STXBP5L: variants seen among roughly 807,000 people sequenced by gnomAD.
STXBP5L encodes the protein syntaxin binding protein 5L.
Under a neutral mutation model 144.5 loss-of-function variants are expected in STXBP5L, and 65 were observed. That is an observed-to-expected ratio of 0.45 (90% confidence interval 0.37 to 0.55). The LOEUF (loss-of-function observed/expected upper bound fraction) is 0.55. Among genes scored for constraint, STXBP5L ranks in the 20% least tolerant of loss-of-function variants. The probability of loss-of-function intolerance (pLI) is 0.00; values close to 1 mark genes in which losing one functional copy is unlikely to be tolerated. For synonymous variants in STXBP5L, 505 were observed against 469.6 expected (o/e 1.08, Z -0.97); for missense variants, 1,298 against 1,405.5 (o/e 0.92, Z 1.22).
At chr3:121,260,795 G>C (rs192573348) in intron 18 of STXBP5L, among the ~76,000 whole-genome samples, 6 of 152,168 alleles carry the variant, frequency 3.9e-5, no homozygotes, top group Admixed American at 3.3e-4. Flanking sequence ...TCAGTAAGGA[G>C]TCCATGGAAA....
At chr3:121,014,398 A>G (rs1424500942) in intron 3 of STXBP5L, among the ~76,000 whole-genome samples, 1 of 151,998 alleles carries the variant, frequency 6.6e-6, no homozygotes, top group Non-Finnish European at 1.5e-5. Flanking sequence ...GTTCCATATA[A>G]ATGGAATTAT....
In STXBP5L at chr3:121,279,934, A is replaced by C. The variant is rs1355733507; in HGVS notation, c.2088A>C (p.Arg696=). 1 of 1,612,216 alleles carries C rather than the reference A, an allele frequency of 6.2e-7. No homozygotes were observed. Residue 696 remains arginine, a synonymous_variant, in exon 19 of 27, where the codon CGA becomes CGC. Coordinates refer to ENST00000471454, the MANE Select transcript of STXBP5L (RefSeq NM_001308330.2). ...ACCAGCGACAACCACGGTCTCCTCG[A>C]AAAAACAAACAGTTCATTGCAGGTA... ...DLYQRQPRSP[R]KNKQFIAGLT...
chr3:121,216,765 C>A (rs545399761), intron 10 of STXBP5L, among the ~76,000 whole-genome samples: 6 of 152,188 alleles, frequency 3.9e-5, no homozygotes, highest in Non-Finnish European at 5.9e-5. Context: ...ATGTTTAAGT[C>A]GGCTTAAGCT....
At chr3:120,975,420 T>C (rs1343484759) in intron 3 of STXBP5L, among the ~76,000 whole-genome samples, 5 of 152,230 alleles carry the variant, frequency 3.3e-5, no homozygotes, top group South Asian at 2.1e-4. Flanking sequence ...CTGAAGTTGC[T>C]TATCAGCTTA....
intron 5 of STXBP5L, among the ~76,000 whole-genome samples, chr3:121,050,244 G>A (rs1029612448): frequency 1.3e-5 from 2 of 151,894 alleles, no homozygotes; most frequent in African/African-American, 4.8e-5. Flanking sequence ...TCTAAACTTA[G>A]TCTTTTTTTT....
At chr3:121,187,110 C>A (rs1304830372) in intron 9 of STXBP5L, among the ~76,000 whole-genome samples, 1 of 152,090 alleles carries the variant, frequency 6.6e-6, no homozygotes, top group Non-Finnish European at 1.5e-5. Context: ...AAGACACATG[C>A]ACACGTATGT....
intron 18 of STXBP5L, among the ~76,000 whole-genome samples, chr3:121,267,092 C>T (rs2050589694): frequency 6.6e-6 from 1 of 152,024 alleles, no homozygotes; most frequent in Admixed American, 6.6e-5. Context: ...AAAGAGAGCC[C>T]GTATAGTTAA....
chr3:121,085,055 A>T (rs2042424950), intron 5 of STXBP5L, among the ~76,000 whole-genome samples: 3 of 151,368 alleles, frequency 2.0e-5, no homozygotes, highest in Non-Finnish European at 1.5e-5. Context: ...CCACTGTTTG[A>T]TGGGGTTGAT....
chr3:121,021,245 C>A (rs1246825940), intron 3 of STXBP5L, among the ~76,000 whole-genome samples: 2 of 152,136 alleles, frequency 1.3e-5, no homozygotes, highest in Non-Finnish European at 1.5e-5. Flanking sequence ...GCAACCCACA[C>A]TGGAGCTCCC....
intron 20 of STXBP5L, among the ~76,000 whole-genome samples, chr3:121,345,635 AG>A (rs1444994890): frequency 2.0e-5 from 3 of 152,096 alleles, no homozygotes; most frequent in African/African-American, 7.2e-5. Context: ...ACAGTGTAAA[AG>A]CGTGCCTATT....
At chr3:121,021,172 G>T (rs1031818163) in intron 3 of STXBP5L, among the ~76,000 whole-genome samples, 2 of 151,836 alleles carry the variant, frequency 1.3e-5, no homozygotes, top group Admixed American at 6.6e-5. Context: ...TAAAAAAGAG[G>T]GGCATTGTAT....
intron 19 of STXBP5L, among the ~76,000 whole-genome samples, chr3:121,293,029 C>T (rs548466448): frequency 3.2e-4 from 48 of 151,228 alleles, no homozygotes; most frequent in South Asian, 3.1e-3. Flanking sequence ...CCTATTAAAA[C>T]GAAAAAAAAA....
chr3:121,067,814 T>A (rs1396014475), intron 5 of STXBP5L, among the ~76,000 whole-genome samples: 1 of 152,214 alleles, frequency 6.6e-6, no homozygotes. Flanking sequence ...TCTGTATATG[T>A]ATTTATTACT....
At chr3:121,079,259 G>C (rs186738258) in intron 5 of STXBP5L, among the ~76,000 whole-genome samples, 19 of 152,378 alleles carry the variant, frequency 1.2e-4, no homozygotes, top group Admixed American at 5.9e-4. Flanking sequence ...GAGGCAGGAA[G>C]TGAGTTACAG....
intron 20 of STXBP5L, among the ~76,000 whole-genome samples, chr3:121,377,983 G>T (rs1216355410): frequency 6.6e-6 from 1 of 152,194 alleles, no homozygotes; most frequent in Non-Finnish European, 1.5e-5. Flanking sequence ...GGAATACTAT[G>T]CAGACATAAA....
chr3:121,285,664 T>A (rs2051207441), intron 19 of STXBP5L, among the ~76,000 whole-genome samples: 1 of 152,078 alleles, frequency 6.6e-6, no homozygotes, highest in Non-Finnish European at 1.5e-5. Flanking sequence ...AAAAACGCTT[T>A]GAAAAGAACA....
chr3:120,989,855 T>C (rs1308662843), intron 3 of STXBP5L, among the ~76,000 whole-genome samples: 1 of 152,170 alleles, frequency 6.6e-6, no homozygotes, highest in Non-Finnish European at 1.5e-5. Flanking sequence ...AATATCATAC[T>C]GAATGGGCAA....
chr3:120,990,504 A>T (rs932890466), intron 3 of STXBP5L, among the ~76,000 whole-genome samples: 5 of 152,186 alleles, frequency 3.3e-5, no homozygotes, highest in African/African-American at 9.6e-5. Flanking sequence ...CGCCAAGTCA[A>T]TCCTAAGCCA....
chr3:121,186,183 T>G (rs1012217667), intron 9 of STXBP5L, among the ~76,000 whole-genome samples: 1 of 152,226 alleles, frequency 6.6e-6, no homozygotes. Flanking sequence ...CCTATCAGCT[T>G]AAGGAGGTTG....
Sources: allele counts gnomAD v4.1 joint callset (sites outside exome capture counted in the v4.1 genomes callset), GRCh38; gene constraint gnomAD v4.1.1; transcripts MANE v1.5; gene names NCBI Gene and HGNC (gene_info 2026-07-23, HGNC 2026-07-21).